ROR1: variants seen among roughly 807,000 people sequenced by gnomAD.
ROR1 encodes ROR family WNT receptor 1.
A neutral mutation model predicts 78.8 loss-of-function variants in ROR1; 19 were observed. The ratio of observed to expected loss-of-function variants is 0.24; its 90% CI spans 0.17 to 0.35. The LOEUF is 0.35. Among genes scored for constraint, ROR1 ranks in the 10% least tolerant of loss-of-function variants. ROR1 has a pLI of 1.00. For synonymous variants in ROR1, 386 were observed against 433.6 expected (o/e 0.89, Z 1.36); for missense variants, 917 against 1,177.8 (o/e 0.78, Z 3.24).
intron 8 of ROR1, among the ~76,000 whole-genome samples, chr1:64,167,619 A>G (rs1650121135): frequency 6.6e-6 from 1 of 152,244 alleles, no homozygotes; most frequent in Admixed American, 6.5e-5. Flanking sequence ...TGTTTACCTA[A>G]GAACCAGTAA....
chr1:63,866,397 T>G (rs1645215624), intron 1 of ROR1, among the ~76,000 whole-genome samples: 2 of 152,208 alleles, frequency 1.3e-5, no homozygotes, highest in Admixed American at 1.3e-4. Context: ...GGCTGCTCAT[T>G]GCAAAACCCA....
chr1:64,062,437 G>A (rs905013217), intron 4 of ROR1, among the ~76,000 whole-genome samples: 52 of 151,820 alleles, frequency 3.4e-4, no homozygotes, highest in African/African-American at 1.1e-3. Context: ...TCAGCCTCCC[G>A]GGTAGCTGGG....
chr1:63,933,826 A>G (rs1645773070), intron 1 of ROR1, among the ~76,000 whole-genome samples: 1 of 152,340 alleles, frequency 6.6e-6, no homozygotes, highest in East Asian at 1.9e-4. Context: ...TACACATCCC[A>G]GGTGAGACAT....
chr1:63,907,678 A>G (rs569051194), intron 1 of ROR1, among the ~76,000 whole-genome samples: 2 of 152,316 alleles, frequency 1.3e-5, no homozygotes, highest in East Asian at 3.9e-4. Context: ...TGTGCCTAGC[A>G]GTGTGCAAGG....
chr1:64,050,706 C>G lies in ROR1; in HGVS notation c.472C>G (p.Pro158Ala). ...VKFGPPPTAS[P>A]GYSDEYEEDG... Reference sequence around the variant, plus strand: ...TTCAGGCCCCCCTCCCACTGCAAGTCCAGGATACTCGTAAGTACTTTTATC... The same window carrying G: ...TTCAGGCCCCCCTCCCACTGCAAGTGCAGGATACTCGTAAGTACTTTTATC... Residue 158 changes from proline to alanine, a missense_variant, in exon 4 of 9, where the codon CCA (proline) becomes GCA (alanine). Pro to Ala is a conservative substitution (Grantham distance 27). Around this residue, in one of 3 missense-constraint regions of ROR1, gnomAD observed 835 missense variants for 1,069.8 expected, o/e 0.78. Transcript: ENST00000371079. 1 of 1,613,896 alleles carries G rather than the reference C, an allele frequency of 6.2e-7. No individual in the cohort carries two copies. Among genetic ancestry groups the G allele is most frequent in the Non-Finnish European group, 8.5e-7 (1 of 1,179,838 alleles).
chr1:64,099,827 C>T (rs1005909575), intron 4 of ROR1, among the ~76,000 whole-genome samples: 3 of 151,840 alleles, frequency 2.0e-5, no homozygotes, highest in Non-Finnish European at 4.4e-5. Context: ...GAGGCCGAGG[C>T]AGGTGGATCA....
intron 1 of ROR1, among the ~76,000 whole-genome samples, chr1:63,977,859 T>C (rs994603447): frequency 1.3e-5 from 2 of 152,222 alleles, no homozygotes; most frequent in Non-Finnish European, 2.9e-5. Flanking sequence ...TACCAAAATG[T>C]TTTACCTTTT....
At chr1:63,924,932 CTTTTTTTTTTTTT>C (rs751680204) in intron 1 of ROR1, among the ~76,000 whole-genome samples, 21 of 85,040 alleles carry the variant, frequency 2.5e-4, no homozygotes, top group African/African-American at 6.3e-4. Context: ...AAAGGGGATG[CTTTTTTTTTTTTT>C]TTTTTTTTTT....
intron 1 of ROR1, among the ~76,000 whole-genome samples, chr1:63,828,241 T>C (rs1457762070): frequency 1.3e-5 from 2 of 152,230 alleles, no homozygotes; most frequent in East Asian, 1.9e-4. Context: ...GAAAGAGATG[T>C]AGAAAAATAA....
intron 1 of ROR1, among the ~76,000 whole-genome samples, chr1:63,787,736 G>A (rs1421486040): frequency 6.6e-6 from 1 of 152,106 alleles, no homozygotes; most frequent in African/African-American, 2.4e-5. Context: ...ATGTTGGCCA[G>A]GCTGGTCTCA....
intron 1 of ROR1, among the ~76,000 whole-genome samples, chr1:63,986,440 C>T (rs1055105554): frequency 2.6e-5 from 4 of 152,062 alleles, no homozygotes; most frequent in Admixed American, 2.6e-4. Context: ...AAGAGAATCA[C>T]GGATCGAAAG....
intron 1 of ROR1, among the ~76,000 whole-genome samples, chr1:63,877,797 G>A (rs1170520704): frequency 6.6e-6 from 1 of 152,098 alleles, no homozygotes; most frequent in Non-Finnish European, 1.5e-5. Flanking sequence ...TTTTGGGGGG[G>A]AAACAGTGAA....
chr1:63,914,782 G>A (rs767654903), intron 1 of ROR1, among the ~76,000 whole-genome samples: 1 of 152,164 alleles, frequency 6.6e-6, no homozygotes, highest in Middle Eastern at 3.4e-3. Context: ...GTTTAAATCT[G>A]TACCCCTCCA....
chr1:64,009,523 A>G lies in ROR1; in HGVS notation c.163+147A>G, dbSNP rs892977264. 1.1e-5 allele frequency: 7 copies of G among 637,160 alleles called. No individual in the cohort carries two copies. In the African/African-American group the frequency reaches 1.3e-4, roughly 12 times the overall value. 39.5% of individuals were successfully genotyped at this position (637,160 alleles called of 1,614,324 possible). On this transcript the variant is annotated intron_variant, in intron 2 of 8. Coordinates refer to ENST00000371079, the MANE Select transcript of ROR1 (RefSeq NM_005012.4). ...TAAATCCCCAGCTTACTTTGTGATCATTTAACATTGAATTACTTGGGATTC... is the reference window on the plus strand; with the variant it reads ...TAAATCCCCAGCTTACTTTGTGATCGTTTAACATTGAATTACTTGGGATTC...
chr1:64,026,441 T>A (rs886560259), intron 2 of ROR1, among the ~76,000 whole-genome samples: 6 of 152,238 alleles, frequency 3.9e-5, no homozygotes, highest in African/African-American at 1.4e-4. Context: ...TAGACTTGAT[T>A]ATGACTCAAG....
intron 1 of ROR1, among the ~76,000 whole-genome samples, chr1:63,829,125 A>G (rs985256194): frequency 6.6e-5 from 10 of 152,202 alleles, no homozygotes; most frequent in African/African-American, 2.4e-4. Context: ...GCTATAATTT[A>G]CTTGGATGTT....
chr1:64,161,669 G>A (rs1221486507), intron 8 of ROR1, among the ~76,000 whole-genome samples: 3 of 152,190 alleles, frequency 2.0e-5, no homozygotes, highest in East Asian at 3.8e-4. Context: ...TTTCTGAGGT[G>A]TGCCTTGCTA....
At chr1:63,851,782 A>G (rs146726592) in intron 1 of ROR1, among the ~76,000 whole-genome samples, 22 of 152,366 alleles carry the variant, frequency 1.4e-4, no homozygotes, top group Non-Finnish European at 2.5e-4. Context: ...ACACCTGTAT[A>G]TGAAAAATGA....
chr1:63,987,260 A>G (rs947245420), intron 1 of ROR1, among the ~76,000 whole-genome samples: 6 of 152,200 alleles, frequency 3.9e-5, no homozygotes, highest in African/African-American at 4.8e-5. Flanking sequence ...ATTATATTCC[A>G]TGTTGTACTG....
Sources: allele counts gnomAD v4.1 joint callset (sites outside exome capture counted in the v4.1 genomes callset), GRCh38; gene constraint gnomAD v4.1.1; regional missense constraint gnomAD v4.1.1; transcripts MANE v1.5; gene names NCBI Gene and HGNC (gene_info 2026-07-23, HGNC 2026-07-21).